ANKIB1: variants seen among roughly 807,000 people sequenced by gnomAD.
ANKIB1 encodes the protein ankyrin repeat and IBR domain containing 1.
ANKIB1 carries 43 observed loss-of-function variants against 122.1 expected under a neutral mutation model. The ratio of observed to expected loss-of-function variants is 0.35; its 90% CI spans 0.28 to 0.45. ANKIB1 has a LOEUF of 0.45. Among genes scored for constraint, ANKIB1 ranks in the 20% least tolerant of loss-of-function variants. The pLI is 1.00. For synonymous variants in ANKIB1, 390 were observed against 442.0 expected, an observed-to-expected ratio of 0.88 and a Z score of 1.48; for missense variants, 992 against 1,329.5, an observed-to-expected ratio of 0.75 and a Z score of 3.95.
intron 4 of ANKIB1, among the ~76,000 whole-genome samples, chr7:92,321,074 G>A (rs1390783669): frequency 2.0e-5 from 3 of 151,258 alleles, no homozygotes; most frequent in Non-Finnish European, 4.4e-5. Context: ...CTCTCTTCCC[G>A]TTATTCTTTA....
intron 3 of ANKIB1, among the ~76,000 whole-genome samples, chr7:92,318,995 T>C (rs1802850171): frequency 6.6e-6 from 1 of 152,162 alleles, no homozygotes; most frequent in Admixed American, 6.5e-5. Context: ...ATTTAAAAAT[T>C]TAAAGTACTG....
At position 92,265,606 on chromosome 7, in the gene ANKIB1, T is replaced by C. The variant is rs558271326; in HGVS notation, c.-91+19087T>C. ...GATTGTAGTGATGAGAGGGCAAAAG[T>C]AGAAATAGACGAATGAAGCTGTTGA... On this transcript the variant is annotated intron_variant, in intron 1 of 19. Coordinates refer to ENST00000265742, the MANE Select transcript of ANKIB1 (RefSeq NM_019004.2). 3.9e-5 allele frequency among the ~76,000 whole-genome samples: 6 copies of C among 152,244 alleles called. No homozygotes were observed. The South Asian group carries it at 1.2e-3, about 32-fold the overall frequency.
intron 11 of ANKIB1, among the ~76,000 whole-genome samples, chr7:92,384,498 A>G (rs1473478202): frequency 3.9e-5 from 6 of 152,342 alleles, no homozygotes; most frequent in East Asian, 3.9e-4. Flanking sequence ...GTACAAGGCT[A>G]CAGTAACCAA....
intron 2 of ANKIB1, among the ~76,000 whole-genome samples, chr7:92,304,356 C>G (rs1479357224): frequency 6.6e-6 from 1 of 152,060 alleles, no homozygotes. Flanking sequence ...ATAATACACT[C>G]TCTGTGTTTG....
At chr7:92,270,947 G>A (rs1184099313) in intron 1 of ANKIB1, among the ~76,000 whole-genome samples, 1 of 151,542 alleles carries the variant, frequency 6.6e-6, no homozygotes, top group Non-Finnish European at 1.5e-5. Flanking sequence ...CAGAGCACAG[G>A]TTTTTAATTT....
At chr7:92,311,745 A>G (rs565937157) in intron 3 of ANKIB1, among the ~76,000 whole-genome samples, 2 of 151,926 alleles carry the variant, frequency 1.3e-5, no homozygotes, top group South Asian at 4.2e-4. Context: ...CACACAGAAC[A>G]TAAAATTAAA....
At position 92,278,644 on chromosome 7, in the gene ANKIB1, A is replaced by G. The variant is rs534663296; in HGVS notation, c.-90-16245A>G. ...GACAAAAGCATTTTCTTAGAACAAT[A>G]TATTTATATAATTTGACCAGAAAGA... On this transcript the variant is annotated intron_variant, in intron 1 of 19. Transcript: ENST00000265742. 1.1e-4 allele frequency among the ~76,000 whole-genome samples: 16 copies of G among 152,348 alleles called. No individual in the cohort carries two copies. In the South Asian group the frequency reaches 3.1e-3, roughly 30 times the overall value.
At chr7:92,341,377 A>G (rs116324707) in intron 5 of ANKIB1, among the ~76,000 whole-genome samples, 103 of 152,224 alleles carry the variant, frequency 6.8e-4, no homozygotes, top group African/African-American at 2.4e-3. Flanking sequence ...TTTTAAAAAC[A>G]CAATGGGCCT....
intron 4 of ANKIB1, among the ~76,000 whole-genome samples, chr7:92,325,662 G>C (rs1803011250): frequency 6.7e-6 from 1 of 148,318 alleles, no homozygotes; most frequent in Non-Finnish European, 1.5e-5. Context: ...CAATAAACAT[G>C]TTTTACCAAT....
chr7:92,319,304 A>G, intron 3 of ANKIB1, 26 bp from the exon 4 acceptor site: 3 of 1,500,170 alleles, frequency 2.0e-6, no homozygotes, highest in Non-Finnish European at 2.7e-6. Context: ...CTGTAGTTGC[A>G]AGTTTTTGAA....
At chr7:92,311,001 G>A (rs918946080) in intron 3 of ANKIB1, among the ~76,000 whole-genome samples, 5 of 152,072 alleles carry the variant, frequency 3.3e-5, no homozygotes, top group African/African-American at 9.7e-5. Context: ...TTTGATGAAC[G>A]GGAAAGGCTT....
chr7:92,357,466 G>A (rs554080133), intron 9 of ANKIB1, among the ~76,000 whole-genome samples: 1 of 152,222 alleles, frequency 6.6e-6, no homozygotes, highest in South Asian at 2.1e-4. Flanking sequence ...CGGGCTCACT[G>A]GCTTACGGGT....
chr7:92,373,123 G>GA (rs1169815083), intron 11 of ANKIB1, among the ~76,000 whole-genome samples: 1 of 152,102 alleles, frequency 6.6e-6, no homozygotes, highest in Non-Finnish European at 1.5e-5. Flanking sequence ...GAGGCAGAAA[G>GA]AAAAACCTAG....
intron 11 of ANKIB1, among the ~76,000 whole-genome samples, chr7:92,379,729 A>C (rs1241626049): frequency 1.3e-5 from 2 of 152,178 alleles, no homozygotes; most frequent in African/African-American, 4.8e-5. Context: ...ATGCCAAATG[A>C]CTCAAAGATT....
chr7:92,373,441 T>C (rs1024799346), intron 11 of ANKIB1, among the ~76,000 whole-genome samples: 1 of 152,182 alleles, frequency 6.6e-6, no homozygotes, highest in Non-Finnish European at 1.5e-5. Context: ...GCTGCTAATA[T>C]AAGGTAATCC....
At chr7:92,390,274 G>C (rs1804758739) in intron 15 of ANKIB1, among the ~76,000 whole-genome samples, 158 bp downstream of exon 15, 1 of 152,072 alleles carries the variant, frequency 6.6e-6, no homozygotes, top group Non-Finnish European at 1.5e-5. Context: ...AAAGTTACCA[G>C]TAACAAATTG....
rs755555507 is a variant in ANKIB1, at chr7:92,396,417, A to C, written c.2336A>C (p.Asp779Ala). ...RRRHRQRRRG[D>A]VHSLLSNPPD... Reference sequence around the variant, plus strand: ...AGGCACAGACAACGTCGTCGAGGAGATGTTCACAGTCTACTCAGTAATCCT... The same window carrying C: ...AGGCACAGACAACGTCGTCGAGGAGCTGTTCACAGTCTACTCAGTAATCCT... The change falls in exon 18 of 20, where the codon GAT becomes GCT. Residue 779 changes from aspartate to alanine, a missense_variant. Coordinates refer to ENST00000265742, the MANE Select transcript of ANKIB1 (RefSeq NM_019004.2). 1 of 1,599,504 alleles carries C rather than the reference A, an allele frequency of 6.3e-7. No homozygotes were observed. The highest frequency in any genetic ancestry group is 1.1e-5 in the South Asian group (1 of 87,868).
At position 92,327,888 on chromosome 7, in the gene ANKIB1, C is replaced by A; in HGVS notation, c.775C>A (p.Leu259Ile). 6.3e-7 allele frequency: 1 copy of A among 1,580,474 alleles called. No individual in the cohort carries two copies. Among genetic ancestry groups the A allele is most frequent in the Admixed American group, 1.9e-5 (1 of 52,270 alleles). Residue 259 changes from leucine (L) to isoleucine (I), a missense_variant, in exon 5 of 20, where the codon CTT (leucine) becomes ATT (isoleucine). Physicochemically the swap from Leu to Ile is conservative, Grantham distance 5 (BLOSUM62 2). This residue lies in a region of ANKIB1 where 521 missense variants were observed against 777.7 expected (regional missense o/e 0.67). Transcript: ENST00000265742. ...QAPLFTAEAL[L>I]RAHDWDREKL... ...TCCTCTCTTTACTGCTGAAGCTTTACTTCGAGCTCATGGTAATGAAAGAAA... is the reference window on the plus strand; with the variant it reads ...TCCTCTCTTTACTGCTGAAGCTTTAATTCGAGCTCATGGTAATGAAAGAAA...
intron 1 of ANKIB1, among the ~76,000 whole-genome samples, chr7:92,246,754 A>G (rs1801070726): frequency 1.3e-5 from 2 of 152,034 alleles, no homozygotes; most frequent in African/African-American, 4.8e-5. Flanking sequence ...GACGCGTCCC[A>G]TCCTCCCCAT....
Sources: gnomAD v4.1 joint callset for allele counts (sites outside exome capture counted in the v4.1 genomes callset) on GRCh38, gnomAD v4.1.1 for gene constraint, gnomAD v4.1.1 regional missense constraint, MANE v1.5 for transcripts, NCBI Gene and HGNC (gene_info 2026-07-23, HGNC 2026-07-21) for gene names.